Variants in PARD3 observed in about 807,000 individuals in gnomAD.
PARD3 encodes par-3 family cell polarity regulator.
PARD3 carries 75 observed loss-of-function variants against 155.4 expected under a neutral mutation model. The ratio of observed to expected loss-of-function variants is 0.48; its 90% CI spans 0.40 to 0.58. The LOEUF is 0.58. Among genes scored for constraint, PARD3 ranks in the 20% least tolerant of loss-of-function variants. The probability of loss-of-function intolerance (pLI) is 0.00; values close to 1 mark genes in which losing one functional copy is unlikely to be tolerated. For missense variants in PARD3, 1,642 were observed against 1,721.7 expected (o/e 0.95, Z 0.82); for synonymous variants, 576 against 610.5 (o/e 0.94, Z 0.83).
intron 2 of PARD3, among the ~76,000 whole-genome samples, chr10:34,566,078 G>C (rs1466551409): frequency 6.6e-6 from 1 of 152,216 alleles, no homozygotes; most frequent in Non-Finnish European, 1.5e-5. Context: ...GTCTGGAGCT[G>C]AGTCAACAAT....
At chr10:34,431,807 T>G (rs969801516) in intron 5 of PARD3, among the ~76,000 whole-genome samples, 2 of 128,368 alleles carry the variant, frequency 1.6e-5, no homozygotes, top group African/African-American at 5.4e-5. Flanking sequence ...CCCAGCAGTT[T>G]GGGAGGCCGA....
chr10:34,259,638 C>A (rs1041569393), intron 22 of PARD3, among the ~76,000 whole-genome samples: 7 of 152,198 alleles, frequency 4.6e-5, no homozygotes, highest in Admixed American at 1.3e-4. Flanking sequence ...GCGTGGGCAT[C>A]TTTGGGGAAG....
intron 2 of PARD3, among the ~76,000 whole-genome samples, chr10:34,634,747 T>C (rs1211394520): frequency 1.3e-5 from 2 of 152,228 alleles, no homozygotes; most frequent in Non-Finnish European, 2.9e-5. Context: ...CTTTCAAATG[T>C]ATTACGGGCA....
chr10:34,116,558 G>T (rs1355181399), intron 24 of PARD3, among the ~76,000 whole-genome samples: 1 of 152,074 alleles, frequency 6.6e-6, no homozygotes, highest in Non-Finnish European at 1.5e-5. Context: ...CACAGAGTGG[G>T]GCTGCTTTGC....
At chr10:34,218,926 C>T (rs1002722565) in intron 22 of PARD3, among the ~76,000 whole-genome samples, 1 of 152,090 alleles carries the variant, frequency 6.6e-6, no homozygotes, top group East Asian at 1.9e-4. Context: ...AGATCAGATC[C>T]GCATTCCAAG....
At chr10:34,660,174 C>T (rs2093284295) in intron 2 of PARD3, among the ~76,000 whole-genome samples, 1 of 152,160 alleles carries the variant, frequency 6.6e-6, no homozygotes, top group Non-Finnish European at 1.5e-5. Context: ...AACATAGCTA[C>T]ATATTACATG....
chr10:34,579,858 G>A (rs1246420678), intron 2 of PARD3, among the ~76,000 whole-genome samples: 6 of 149,332 alleles, frequency 4.0e-5, no homozygotes, highest in Admixed American at 1.3e-4. Flanking sequence ...CGCCTGCCTC[G>A]GCCTCCCAAA....
intron 1 of PARD3, among the ~76,000 whole-genome samples, chr10:34,725,849 C>T (rs2094699540): frequency 1.3e-5 from 2 of 152,208 alleles, no homozygotes; most frequent in African/African-American, 4.8e-5. Context: ...CTTTACTACA[C>T]CTAAAACATT....
intron 15 of PARD3, chr10:34,344,633 A>C: frequency 1.0e-6 from 1 of 985,356 alleles, no homozygotes; most frequent in Non-Finnish European, 1.2e-6. Flanking sequence ...CATTAGAAAA[A>C]TGTTTAAGGC....
At chr10:34,628,622 GGAGT>G (rs1214004036) in intron 2 of PARD3, among the ~76,000 whole-genome samples, 15 of 152,228 alleles carry the variant, frequency 9.9e-5, no homozygotes, top group African/African-American at 3.6e-4. Flanking sequence ...GCCCTGCCCT[GGAGT>G]GAGTGGCTTC....
intron 14 of PARD3, among the ~76,000 whole-genome samples, chr10:34,350,633 C>CA (rs1837959524): frequency 2.5e-5 from 1 of 40,720 alleles, no homozygotes; most frequent in African/African-American, 5.3e-5. Context: ...TCCATCTTGG[C>CA]GGGGGGGGAG....
At chr10:34,797,040 C>A (rs1445463482) in intron 1 of PARD3, among the ~76,000 whole-genome samples, 1 of 152,110 alleles carries the variant, frequency 6.6e-6, no homozygotes, top group Admixed American at 6.5e-5. Flanking sequence ...AATTGTCAGA[C>A]CCATGGTTAG....
chr10:34,343,813 C>G (rs1837094272), intron 15 of PARD3: 1 of 972,088 alleles, frequency 1.0e-6, no homozygotes, highest in Non-Finnish European at 1.2e-6. Flanking sequence ...TAACTAGTGA[C>G]CTACAAACTA....
At chr10:34,710,002 C>G (rs967229102) in intron 1 of PARD3, among the ~76,000 whole-genome samples, 1 of 151,914 alleles carries the variant, frequency 6.6e-6, no homozygotes, top group Non-Finnish European at 1.5e-5. Context: ...TTTGGAGAGG[C>G]GGGGGGACAG....
At chr10:34,366,859 C>A (rs1327984706) in intron 12 of PARD3, among the ~76,000 whole-genome samples, 3 of 152,048 alleles carry the variant, frequency 2.0e-5, no homozygotes, top group South Asian at 4.2e-4. Context: ...TTAATTTATC[C>A]CGTATGTGAG....
At chr10:34,704,628 A>G (rs1433767753) in intron 1 of PARD3, among the ~76,000 whole-genome samples, 1 of 152,258 alleles carries the variant, frequency 6.6e-6, no homozygotes, top group Non-Finnish European at 1.5e-5. Context: ...TAAAGTAAAT[A>G]TCAAAAGAAC....
In PARD3 at chr10:34,501,640, T is replaced by C. The variant is rs75110438; in HGVS notation, c.403+15339A>G. 3.0e-4 allele frequency among the ~76,000 whole-genome samples: 45 copies of C among 152,272 alleles called. No individual in the cohort carries two copies. The East Asian group carries it at 8.1e-3, about 27-fold the overall frequency. ...CATTTCATATTATCATGGAAGACGA[T>C]GTATTTGTAAAGTGCGTTATTTTCA... is the stretch of plus-strand genomic sequence containing the variant. On this transcript the variant is annotated intron_variant, in intron 3 of 24. Coordinates refer to ENST00000374788, the MANE Select transcript of PARD3 (RefSeq NM_001184785.2).
chr10:34,667,829 A>G (rs2093524279), intron 2 of PARD3, among the ~76,000 whole-genome samples: 1 of 152,214 alleles, frequency 6.6e-6, no homozygotes, highest in African/African-American at 2.4e-5. Flanking sequence ...TTGTGATGAC[A>G]TTATTAAGGA....
intron 1 of PARD3, among the ~76,000 whole-genome samples, chr10:34,773,545 C>G (rs1433809030): frequency 6.6e-6 from 1 of 152,138 alleles, no homozygotes; most frequent in Non-Finnish European, 1.5e-5. Context: ...AATTGCTGTT[C>G]CGAGAAGATG....
Sources: allele counts gnomAD v4.1 joint callset (sites outside exome capture counted in the v4.1 genomes callset), GRCh38; gene constraint gnomAD v4.1.1; transcripts MANE v1.5; gene names NCBI Gene and HGNC (gene_info 2026-07-23, HGNC 2026-07-21).